Variants in PHIP observed in about 807,000 individuals in gnomAD.
The protein encoded by PHIP is PHIP subunit of CUL4-Ring ligase complex, also known as PH-interacting protein.
In PHIP, 54 loss-of-function variants were observed where a neutral mutation model predicts 236.8. The ratio of observed to expected loss-of-function variants is 0.23; its 90% CI spans 0.18 to 0.29. The LOEUF (loss-of-function observed/expected upper bound fraction) is 0.29, where lower values mean the gene tolerates loss of function less well. PHIP is among the 10% of genes least tolerant of loss of function. The pLI is 1.00. For synonymous variants in PHIP, 756 were observed against 718.9 expected (o/e 1.05, Z -0.83); for missense variants, 1,370 against 2,190.8 (o/e 0.63, Z 7.48).
intron 13 of PHIP, 44 bp downstream of exon 13, chr6:79,016,500 T>TA (rs1483368144): frequency 7.9e-7 from 1 of 1,263,822 alleles, no homozygotes; most frequent in South Asian, 1.3e-5. Flanking sequence ...TAACATACTT[T>TA]AAAAAATCAA....
chr6:78,958,442 A>G (rs377571302), intron 32 of PHIP, 33 bp downstream of exon 32: 29 of 1,239,456 alleles, frequency 2.3e-5, no homozygotes, highest in Non-Finnish European at 3.2e-5. Context: ...AATTATTAAA[A>G]CTATCATAAT....
chr6:79,065,805 CAG>C (rs1451235818), intron 4 of PHIP, among the ~76,000 whole-genome samples: 3 of 139,918 alleles, frequency 2.1e-5, no homozygotes, highest in Admixed American at 1.4e-4. Context: ...CACACACACA[CAG>C]AATAAACAAA....
At chr6:79,073,563 G>A (rs1296603780) in intron 4 of PHIP, among the ~76,000 whole-genome samples, 1 of 150,108 alleles carries the variant, frequency 6.7e-6, no homozygotes, top group East Asian at 1.9e-4. Flanking sequence ...CATTTAATAT[G>A]ATATCTTTTT....
At chr6:79,014,947 T>A (rs991110749) in intron 15 of PHIP, 135 bp downstream of exon 15, 1 of 636,634 alleles carries the variant, frequency 1.6e-6, no homozygotes, top group African/African-American at 1.8e-5. Flanking sequence ...GAATAAATCA[T>A]TCTTTATTGA....
intron 24 of PHIP, among the ~76,000 whole-genome samples, chr6:78,976,105 C>T (rs1311680188): frequency 6.6e-6 from 1 of 150,634 alleles, no homozygotes; most frequent in South Asian, 2.1e-4. Context: ...GGAGGCATCA[C>T]ACTACCTGAC....
chr6:78,952,279 C>T (rs940072312), intron 35 of PHIP, among the ~76,000 whole-genome samples: 21 of 151,730 alleles, frequency 1.4e-4, no homozygotes, highest in African/African-American at 4.8e-4. Context: ...ATTAGTTGGG[C>T]GTGGTGGCAT....
intron 21 of PHIP, among the ~76,000 whole-genome samples, chr6:78,986,694 T>G (rs770690933): frequency 1.7e-4 from 26 of 152,320 alleles, no homozygotes; most frequent in Middle Eastern, 3.4e-3. Context: ...ATTCTTTTAA[T>G]ATTTAAATAA....
intron 16 of PHIP, among the ~76,000 whole-genome samples, chr6:79,002,586 T>C (rs1281065531): frequency 6.6e-6 from 1 of 152,098 alleles, no homozygotes; most frequent in Non-Finnish European, 1.5e-5. Flanking sequence ...CACCCATTAC[T>C]GTATAGGAAA....
At chr6:78,998,646 C>T (rs970773709) in intron 17 of PHIP, among the ~76,000 whole-genome samples, 1 of 152,046 alleles carries the variant, frequency 6.6e-6, no homozygotes, top group African/African-American at 2.4e-5. Flanking sequence ...TACTCATAAT[C>T]CGTATGGTAA....
chr6:79,016,567 C>T lies in PHIP; in HGVS notation c.1212G>A (p.Leu404=). 1 of 1,609,318 alleles carries T rather than the reference C, an allele frequency of 6.2e-7. No homozygotes were observed. ...FKRREWKSIL[L]DMATRPAGQN... is the part of the protein sequence containing the mutation. ...ACCCTGCTGGACGAGTAGCCATATC[C>T]AACAAAATGCTCTTCCACTCTCTTC... is the stretch of plus-strand genomic sequence containing the variant. Residue 404 remains leucine, a synonymous_variant, in exon 13 of 40, where the codon TTG becomes TTA. Transcript: ENST00000275034.
intron 4 of PHIP, among the ~76,000 whole-genome samples, chr6:79,070,645 T>A (rs1582322600): frequency 6.6e-6 from 1 of 152,122 alleles, no homozygotes; most frequent in Non-Finnish European, 1.5e-5. Context: ...AACACAGTCA[T>A]CCTCCAATCT....
Position 79,019,167 on chromosome 6 carries a change from A to G in PHIP, c.924-8T>C, listed in dbSNP as rs1243619757. 1.3e-6 allele frequency: 2 copies of G among 1,599,408 alleles called. No homozygotes were observed. Among genetic ancestry groups the G allele is most frequent in the Non-Finnish European group, 1.7e-6 (2 of 1,167,614 alleles). On this transcript the variant is annotated splice_region_variant and splice_polypyrimidine_tract_variant and intron_variant, in intron 9 of 39. Transcript: ENST00000275034. Reference sequence around the variant, plus strand: ...AATTTTGCAGGTCTTGGGCTGTAATACAAAAAATAAAGAATTAAAAATATC... The same window carrying G: ...AATTTTGCAGGTCTTGGGCTGTAATGCAAAAAATAAAGAATTAAAAATATC...
intron 7 of PHIP, among the ~76,000 whole-genome samples, chr6:79,028,261 C>A (rs1771501612): frequency 6.6e-6 from 1 of 152,066 alleles, no homozygotes; most frequent in African/African-American, 2.4e-5. Flanking sequence ...CTGAAGATAT[C>A]AAACAGGTGA....
chr6:79,043,141 T>A (rs1375389582), intron 6 of PHIP, 138 bp from the exon 7 acceptor site: 1 of 643,436 alleles, frequency 1.6e-6, no homozygotes, highest in African/African-American at 1.9e-5. Flanking sequence ...TGGCTTCTAG[T>A]TAAAAGTCTT....
In PHIP at chr6:79,021,286, A is replaced by G. The variant is rs146603000; in HGVS notation, c.924-2127T>C. On this transcript the variant is annotated intron_variant, in intron 9 of 39. Transcript: ENST00000275034. ...CTCAGCCTCCCAAGTAGCTGGGATT[A>G]CAGGTGTGCACCACCATGCCCGGCT... Among the ~76,000 whole-genome samples the G allele has an allele frequency of 1.4e-4, 21 of 152,306 alleles. No individual in the cohort carries two copies. In the East Asian group the frequency reaches 4.0e-3, roughly 29 times the overall value.
At chr6:79,021,742 G>A (rs1356147988) in intron 9 of PHIP, among the ~76,000 whole-genome samples, 1 of 152,174 alleles carries the variant, frequency 6.6e-6, no homozygotes, top group African/African-American at 2.4e-5. Flanking sequence ...GTGGGAGGAA[G>A]AGGAGGGAGG....
At chr6:79,021,362 G>T (rs1771107897) in intron 9 of PHIP, among the ~76,000 whole-genome samples, 1 of 152,182 alleles carries the variant, frequency 6.6e-6, no homozygotes, top group African/African-American at 2.4e-5. Context: ...TGGCCAGGCT[G>T]GTCTCAAACT....
At position 79,002,217 on chromosome 6, in the gene PHIP, C is replaced by G. The variant is rs1770040551; in HGVS notation, c.1654-93G>C. On this transcript the variant is annotated intron_variant, in intron 16 of 39. Transcript: ENST00000275034. ...ATCATTTCTAATAGAAAGCAAACACCTGAATACGAATAATGGTATTAAGCA... is the reference window on the plus strand; with the variant it reads ...ATCATTTCTAATAGAAAGCAAACACGTGAATACGAATAATGGTATTAAGCA... 7.8e-6 allele frequency: 6 copies of G among 768,676 alleles called. No homozygotes were observed. The South Asian group carries it at 9.0e-5, about 12-fold the overall frequency. The allele number at this position is 768,676 out of a possible 1,614,324, so 47.6% of individuals were successfully genotyped here.
rs1357231428 is a variant in PHIP, at chr6:78,935,380, G to T, written c.*5313C>A. 1 of 335,796 alleles carries T rather than the reference G, an allele frequency of 3.0e-6. No homozygotes were observed. The highest frequency in any genetic ancestry group is 4.2e-6 in the Non-Finnish European group (1 of 236,420). 20.8% of individuals were successfully genotyped at this position (335,796 alleles called of 1,614,324 possible). On this transcript the variant is annotated 3_prime_UTR_variant, in exon 40 of 40. Coordinates refer to ENST00000275034, the MANE Select transcript of PHIP (RefSeq NM_017934.7). The stretch of plus-strand genomic sequence containing the variant: ...CTTCATGCTAAAATTGGGATTCTTA[G>T]TCAATAAAAATGCATGCCAATCTGA...
Sources: gnomAD v4.1 joint callset for allele counts (sites outside exome capture counted in the v4.1 genomes callset) on GRCh38, gnomAD v4.1.1 for gene constraint, MANE v1.5 for transcripts, NCBI Gene and HGNC (gene_info 2026-07-23, HGNC 2026-07-21) for gene names.